The following CAPRIN1 variants were observed in gnomAD, a reference collection of about 807,000 sequenced individuals.
CAPRIN1 encodes the protein caprin-1.
CAPRIN1 carries 29 observed loss-of-function variants against 100.9 expected under a neutral mutation model. The observed-to-expected ratio is 0.29, with a 90% CI of 0.21 to 0.39. The LOEUF (loss-of-function observed/expected upper bound fraction) is 0.39, where lower values mean the gene tolerates loss of function less well. CAPRIN1 is among the 10% of genes least tolerant of loss of function. CAPRIN1 has a pLI of 1.00. For synonymous variants in CAPRIN1, 338 were observed against 307.5 expected, an observed-to-expected ratio of 1.10 and a Z score of -1.04; for missense variants, 795 against 876.7, an observed-to-expected ratio of 0.91 and a Z score of 1.18.
At chr11:34,092,807 A>G (rs7925527) in intron 15 of CAPRIN1, among the ~76,000 whole-genome samples, 15,538 of 152,238 alleles carry the variant, frequency 0.1, 857 homozygotes, top group African/African-American at 0.15. Flanking sequence ...AAGTAAGGTC[A>G]TAATTTGGCT....
intron 11 of CAPRIN1, 84 bp downstream of exon 11, chr11:34,086,497 GTTTAT>G: frequency 1.3e-6 from 1 of 795,682 alleles, no homozygotes; most frequent in Non-Finnish European, 2.0e-6. Context: ...AATAAATTTT[GTTTAT>G]TTTAATGACT....
chr11:34,089,217 T>A (rs1357348654), intron 11 of CAPRIN1, among the ~76,000 whole-genome samples, 178 bp from the exon 12 acceptor site: 1 of 103,708 alleles, frequency 9.6e-6, no homozygotes, highest in African/African-American at 3.9e-5. Flanking sequence ...TGCAGTGAGC[T>A]AAGATCACAT....
intron 2 of CAPRIN1, among the ~76,000 whole-genome samples, chr11:34,071,377 A>G (rs1850801842): frequency 6.6e-6 from 1 of 152,218 alleles, no homozygotes; most frequent in East Asian, 1.9e-4. Flanking sequence ...CAGCCTGGCC[A>G]CATGGTGAAA....
chr11:34,060,319 C>T (rs535862204), intron 2 of CAPRIN1, among the ~76,000 whole-genome samples: 177 of 151,658 alleles, frequency 1.2e-3, no homozygotes, highest in African/African-American at 3.8e-3. Context: ...ATTGCATTCT[C>T]CTCAATACTG....
At chr11:34,086,492 A>C in intron 11 of CAPRIN1, 79 bp downstream of exon 11, 1 of 803,292 alleles carries the variant, frequency 1.2e-6, no homozygotes, top group South Asian at 1.8e-5. Context: ...GTGAAAATAA[A>C]TTTTGTTTAT....
chr11:34,089,074 G>A (rs1165774163), intron 11 of CAPRIN1, among the ~76,000 whole-genome samples: 2 of 151,804 alleles, frequency 1.3e-5, no homozygotes, highest in African/African-American at 4.8e-5. Flanking sequence ...TTTGAGACCA[G>A]CCTGGGCAAC....
Position 34,100,764 on chromosome 11 carries a change from C to T in CAPRIN1, c.*1397C>T, listed in dbSNP as rs1851442528. On this transcript the variant is annotated 3_prime_UTR_variant, in exon 19 of 19. Coordinates refer to ENST00000341394, the MANE Select transcript of CAPRIN1 (RefSeq NM_005898.5). ...AATGGACACTTGAGTAGTGACTTAG[C>T]CTTATGTACTCTGTTGGAATTTGTG... The T allele has an allele frequency of 6.6e-6, 1 of 152,538 alleles. No homozygotes were observed. Among genetic ancestry groups the T allele is most frequent in the African/African-American group, 2.4e-5 (1 of 41,408 alleles). The allele number at this position is 152,538 out of a possible 1,614,324, so 9.4% of individuals were successfully genotyped here.
chr11:34,096,582 C>G lies in CAPRIN1; in HGVS notation c.1809C>G (p.Pro603=). 6 of 1,614,044 alleles carry G rather than the reference C, an allele frequency of 3.7e-6. No homozygotes were observed. The highest frequency in any genetic ancestry group is 2.2e-5 in the East Asian group (1 of 44,876). ...CTGGATTTCCACGTAGCAATCAGCC[C>G]TATTACAATAGTCGTGGTGTGTCTC... is the stretch of plus-strand genomic sequence containing the variant. ...QNTGFPRSNQ[P]YYNSRGVSRG... Residue 603 remains proline, a synonymous_variant, in exon 16 of 19, where the codon CCC becomes CCG. Coordinates refer to ENST00000341394, the MANE Select transcript of CAPRIN1 (RefSeq NM_005898.5).
In CAPRIN1 at chr11:34,078,397, C is replaced by T. The variant is rs548864251; in HGVS notation, c.689-1231C>T. Among the ~76,000 whole-genome samples, 6 of 152,232 alleles carry T rather than the reference C, an allele frequency of 3.9e-5. 1 individual carries two copies. The East Asian group carries it at 1.2e-3, about 29-fold the overall frequency. On this transcript the variant is annotated intron_variant, in intron 6 of 18. Coordinates refer to ENST00000341394, the MANE Select transcript of CAPRIN1 (RefSeq NM_005898.5). ...AAGCTAAGAAAATTGAAAGTAATAA[C>T]TCTTCATACATCTCCCCCTCTGCCC...
chr11:34,098,463 T>C, intron 18 of CAPRIN1: 1 of 984,786 alleles, frequency 1.0e-6, no homozygotes, highest in Non-Finnish European at 1.2e-6. Flanking sequence ...GCATTTCATG[T>C]AGTCTGAAAT....
At chr11:34,093,101 T>C (rs1851294075) in intron 15 of CAPRIN1, among the ~76,000 whole-genome samples, 1 of 151,666 alleles carries the variant, frequency 6.6e-6, no homozygotes, top group African/African-American at 2.4e-5. Flanking sequence ...ACTCCTTGCC[T>C]TGAGCGAACT....
At chr11:34,067,745 T>C (rs537362652) in intron 2 of CAPRIN1, among the ~76,000 whole-genome samples, 1 of 152,316 alleles carries the variant, frequency 6.6e-6, no homozygotes, top group African/African-American at 2.4e-5. Flanking sequence ...GTGATCCTTC[T>C]GCCTTGGCCT....
intron 2 of CAPRIN1, among the ~76,000 whole-genome samples, chr11:34,057,506 C>T (rs537185135): frequency 9.0e-4 from 137 of 152,240 alleles, no homozygotes; most frequent in Admixed American, 2.9e-3. Context: ...ACAGATTAAG[C>T]ATACAATTTG....
chr11:34,063,354 CCTTA>C (rs1850621500), intron 2 of CAPRIN1: 1 of 152,112 alleles, frequency 6.6e-6, no homozygotes, highest in African/African-American at 2.4e-5. Flanking sequence ...GGATTTAAGA[CCTTA>C]CTTAGGTAAG....
chr11:34,079,682 G>A lies in CAPRIN1; in HGVS notation c.743G>A (p.Ser248Asn). ...ERVFQSNYFD[S>N]THNHQNGLCE... Reference sequence around the variant, plus strand: ...GTTTTTCAGTCAAACTACTTTGACAGCACCCACAACCACCAGAATGGGCTG... The same window carrying A: ...GTTTTTCAGTCAAACTACTTTGACAACACCCACAACCACCAGAATGGGCTG... The change falls in exon 7 of 19, where the codon AGC becomes AAC. Residue 248 changes from serine (S) to asparagine (N), a missense_variant. Ser to Asn is a conservative substitution (Grantham distance 46, BLOSUM62 1). Transcript: ENST00000341394. The A allele has an allele frequency of 1.2e-6, 2 of 1,613,972 alleles. No homozygotes were observed. The highest frequency in any genetic ancestry group is 1.7e-6 in the Non-Finnish European group (2 of 1,179,888).
chr11:34,071,708 T>A lies in CAPRIN1; in HGVS notation c.217-18T>A, dbSNP rs1412635210. On this transcript the variant is annotated intron_variant, in intron 2 of 18. Coordinates refer to ENST00000341394, the MANE Select transcript of CAPRIN1 (RefSeq NM_005898.5). ...ACCTTCAAAACGGAATGTAATTCTT[T>A]TTTTTCTTTTAACATAGGGTAAGCT... The A allele has an allele frequency of 2.5e-6, 4 of 1,592,472 alleles. No individual in the cohort carries two copies. The African/African-American group carries it at 5.4e-5, about 21-fold the overall frequency.
At chr11:34,052,310 G>A in intron 1 of CAPRIN1, 111 bp from the exon 2 acceptor site, 2 of 918,284 alleles carry the variant, frequency 2.2e-6, no homozygotes, top group Non-Finnish European at 3.3e-6. Context: ...ACCCGCTCGC[G>A]TAGGCTACCG....
chr11:34,085,986 T>G (rs1369687664), intron 9 of CAPRIN1, 78 bp from the exon 10 acceptor site: 3 of 1,168,946 alleles, frequency 2.6e-6, no homozygotes, highest in Non-Finnish European at 3.7e-6. Flanking sequence ...TTATGTAGTG[T>G]GGGGGACCCA....
At chr11:34,091,694 A>G in intron 14 of CAPRIN1, 2 of 427,900 alleles carry the variant, frequency 4.7e-6, no homozygotes, top group East Asian at 7.7e-5. Context: ...TTCACAGCAT[A>G]TTATACTCCC....
Sources: gnomAD v4.1 joint callset for allele counts (sites outside exome capture counted in the v4.1 genomes callset) on GRCh38, gnomAD v4.1.1 for gene constraint, MANE v1.5 for transcripts, NCBI Gene and HGNC (gene_info 2026-07-23, HGNC 2026-07-21) for gene names.